STXBP4: variants seen among roughly 807,000 people sequenced by gnomAD.
The protein encoded by STXBP4 is syntaxin-binding protein 4.
In STXBP4, 55 loss-of-function variants were observed where a neutral mutation model predicts 76.1. The observed-to-expected ratio is 0.72, with a 90% CI of 0.58 to 0.91. STXBP4 has a LOEUF of 0.91. Among genes scored for constraint, STXBP4 ranks in the 40% least tolerant of loss-of-function variants. STXBP4 has a pLI of 0.00. For missense variants in STXBP4, 618 were observed against 636.9 expected, an observed-to-expected ratio of 0.97 and a Z score of 0.32; for synonymous variants, 201 against 220.2, an observed-to-expected ratio of 0.91 and a Z score of 0.77.
intron 13 of STXBP4, among the ~76,000 whole-genome samples, chr17:55,075,173 T>C (rs954095827): frequency 3.9e-5 from 6 of 152,128 alleles, no homozygotes; most frequent in Non-Finnish European, 8.8e-5. Flanking sequence ...ATAATCACTT[T>C]CTTGGATTTA....
chr17:55,176,443 A>G (rs2080431235), downstream of STXBP4, among the ~76,000 whole-genome samples: 1 of 152,214 alleles, frequency 6.6e-6, no homozygotes, highest in Non-Finnish European at 1.5e-5. Context: ...CCATGTAAAC[A>G]GAGCACATCT....
intron 16 of STXBP4, among the ~76,000 whole-genome samples, chr17:55,126,911 ATTTTGTAATGGGATTTCTCATAC>A (rs2079919036): frequency 6.6e-6 from 1 of 152,228 alleles, no homozygotes; most frequent in Non-Finnish European, 1.5e-5. Flanking sequence ...GATTGCAGCC[ATTTTGTAATGGGATTTCTCATAC>A]TGCAGCTTTT....
At chr17:55,190,597 G>A in the STXBP4 span, among the ~76,000 whole-genome samples, 1 of 152,122 alleles carries the variant, frequency 6.6e-6, no homozygotes, top group Non-Finnish European at 1.5e-5. Flanking sequence ...TTGCATAGAT[G>A]CCAAATAATA....
At chr17:55,008,461 C>T (rs1404129796) in intron 8 of STXBP4, among the ~76,000 whole-genome samples, 3 of 152,000 alleles carry the variant, frequency 2.0e-5, no homozygotes, top group East Asian at 3.9e-4. Flanking sequence ...TCTCACCCAT[C>T]GGTAGATTCA....
chr17:55,148,214 G>A (rs898158035), intron 17 of STXBP4, among the ~76,000 whole-genome samples: 4 of 152,188 alleles, frequency 2.6e-5, no homozygotes. Flanking sequence ...CAGTTAGTTT[G>A]TTTGCAAGTA....
chr17:55,041,739 T>C (rs919300819), intron 10 of STXBP4, among the ~76,000 whole-genome samples: 2 of 150,682 alleles, frequency 1.3e-5, no homozygotes, highest in African/African-American at 2.5e-5. Flanking sequence ...GTTATTATAC[T>C]TTTTTTTTGG....
intron 10 of STXBP4, among the ~76,000 whole-genome samples, chr17:55,040,538 G>A (rs1393712539): frequency 6.6e-6 from 1 of 152,126 alleles, no homozygotes; most frequent in Non-Finnish European, 1.5e-5. Flanking sequence ...TATGGCCAAT[G>A]GAATAGTAGT....
At chr17:55,185,269 CCTTCTCCTT>C in the STXBP4 span, among the ~76,000 whole-genome samples, 134 of 48,102 alleles carry the variant, frequency 2.8e-3, 7 homozygotes, top group African/African-American at 0.012. Flanking sequence ...TTCTCCTTCT[CCTTCTCCTT>C]CTCCTTCTCC....
intron 17 of STXBP4, among the ~76,000 whole-genome samples, chr17:55,146,627 G>C (rs1370293682): frequency 6.6e-6 from 1 of 152,080 alleles, no homozygotes; most frequent in African/African-American, 2.4e-5. Context: ...TGAGGCAGGA[G>C]AATGTTGTGT....
chr17:55,119,591 C>T (rs1289990194), intron 16 of STXBP4, among the ~76,000 whole-genome samples: 4 of 151,880 alleles, frequency 2.6e-5, no homozygotes, highest in Non-Finnish European at 5.9e-5. Context: ...AGAAGTCAGT[C>T]AACAAAGACA....
chr17:55,019,381 A>C (rs886185005), intron 8 of STXBP4, among the ~76,000 whole-genome samples: 1 of 152,178 alleles, frequency 6.6e-6, no homozygotes, highest in Non-Finnish European at 1.5e-5. Flanking sequence ...TTAACTTAAA[A>C]GTCTAAGGTT....
chr17:55,071,580 TC>T (rs1348431628), intron 12 of STXBP4, among the ~76,000 whole-genome samples: 1 of 152,162 alleles, frequency 6.6e-6, no homozygotes, highest in Non-Finnish European at 1.5e-5. Context: ...ACTGTCTATC[TC>T]CCCAAACTTA....
At chr17:55,176,572 A>G (rs931391434), downstream of STXBP4, among the ~76,000 whole-genome samples, 7 of 152,192 alleles carry the variant, frequency 4.6e-5, no homozygotes, top group Non-Finnish European at 7.3e-5. Context: ...ACATTCCCCT[A>G]AGAGTAAGGG....
At chr17:55,017,276 C>G (rs1031848677) in intron 8 of STXBP4, among the ~76,000 whole-genome samples, 8 of 152,086 alleles carry the variant, frequency 5.3e-5, no homozygotes, top group African/African-American at 1.9e-4. Context: ...CTCTCTGTCT[C>G]TTTTCTCTTA....
chr17:55,051,772 G>A (rs1473620161), intron 12 of STXBP4, among the ~76,000 whole-genome samples: 1 of 151,960 alleles, frequency 6.6e-6, no homozygotes, highest in Non-Finnish European at 1.5e-5. Flanking sequence ...GAAAAAGAAA[G>A]AAGGAAAGAA....
chr17:55,104,485 C>T (rs1220037340), intron 16 of STXBP4, among the ~76,000 whole-genome samples: 4 of 152,124 alleles, frequency 2.6e-5, no homozygotes, highest in African/African-American at 9.7e-5. Flanking sequence ...CTGACTTTAT[C>T]GTGGTGGATA....
intron 12 of STXBP4, among the ~76,000 whole-genome samples, chr17:55,056,103 A>G (rs2078919920): frequency 6.6e-6 from 1 of 152,244 alleles, no homozygotes. Context: ...AATGTCCCTT[A>G]GAAATATAAT....
intron 16 of STXBP4, among the ~76,000 whole-genome samples, chr17:55,109,214 T>C (rs1364032966): frequency 6.6e-6 from 1 of 152,232 alleles, no homozygotes; most frequent in Non-Finnish European, 1.5e-5. Context: ...TAAATTTTAT[T>C]AACACTTTTG....
intron 11 of STXBP4, chr17:55,043,728 C>T: frequency 1.6e-6 from 2 of 1,276,360 alleles, no homozygotes; most frequent in Non-Finnish European, 2.2e-6. Context: ...TAAGGGACAT[C>T]ATGTTTTGCT....
Sources: gnomAD v4.1 joint callset for allele counts (sites outside exome capture counted in the v4.1 genomes callset) on GRCh38, gnomAD v4.1.1 for gene constraint, MANE v1.5 for transcripts, NCBI Gene and HGNC (gene_info 2026-07-23, HGNC 2026-07-21) for gene names.